PCNT: variants seen among roughly 807,000 people sequenced by gnomAD.
The protein encoded by PCNT is kendrin.
PCNT carries 319 observed loss-of-function variants against 380.4 expected under a neutral mutation model. The ratio of observed to expected loss-of-function variants is 0.84; its 90% CI spans 0.77 to 0.92. The LOEUF (loss-of-function observed/expected upper bound fraction) is 0.92. PCNT is among the 40% of genes least tolerant of loss of function. The pLI, the probability that PCNT is intolerant of heterozygous loss-of-function variation, is 0.00. For missense variants in PCNT, 4,400 were observed against 4,255.3 expected (o/e 1.03, Z -0.95); for synonymous variants, 1,845 against 1,735.2 (o/e 1.06, Z -1.57).
chr21:46,410,629 A>C (rs1269912037), intron 27 of PCNT, among the ~76,000 whole-genome samples: 1 of 152,210 alleles, frequency 6.6e-6, no homozygotes, highest in Non-Finnish European at 1.5e-5. Context: ...ATTTCCTTAC[A>C]TGGCTGAGGA....
intron 15 of PCNT, among the ~76,000 whole-genome samples, chr21:46,372,504 G>T (rs150001429): frequency 2.1e-4 from 32 of 152,304 alleles, no homozygotes; most frequent in African/African-American, 7.2e-4. Flanking sequence ...ACGATTTTCT[G>T]GCCTTTCTGT....
At chr21:46,346,337 C>A in intron 4 of PCNT, 129 bp downstream of exon 4, 1 of 802,920 alleles carries the variant, frequency 1.2e-6, no homozygotes. Context: ...TTTCCACGTT[C>A]TGTGTGTGGG....
At chr21:46,397,536 T>C (rs2086248908) in intron 22 of PCNT, 42 bp downstream of exon 22, 1 of 1,524,852 alleles carries the variant, frequency 6.6e-7, no homozygotes, top group Admixed American at 1.7e-5. Flanking sequence ...TCACTAAAAG[T>C]TGCCGTTACA....
chr21:46,368,938 G>A (rs566226651), intron 15 of PCNT, among the ~76,000 whole-genome samples: 1 of 152,368 alleles, frequency 6.6e-6, no homozygotes, highest in African/African-American at 2.4e-5. Flanking sequence ...CTTCCTGACT[G>A]TGGGGAACAG....
Position 46,412,865 on chromosome 21 carries a change from T to C in PCNT, c.6023T>C (p.Leu2008Ser), listed in dbSNP as rs553862123. 6 of 1,612,688 alleles carry C rather than the reference T, an allele frequency of 3.7e-6. No individual in the cohort carries two copies. In the South Asian group the frequency reaches 6.6e-5, roughly 18 times the overall value. ...GATCTGCAGCCTGTCCTGGTGACGT[T>C]GAAGGATGCACCTCTCTGCAAGCAA... ...QGDLQPVLVT[L>S]KDAPLCKQEG... The change falls in exon 29 of 47, where the codon TTG becomes TCG. Residue 2008 changes from leucine to serine, a missense_variant. Transcript: ENST00000359568.
chr21:46,390,648 A>T (rs758269413), intron 19 of PCNT, 22 bp from the exon 20 acceptor site: 10 of 1,613,236 alleles, frequency 6.2e-6, no homozygotes, highest in Middle Eastern at 3.3e-4. Context: ...TGGAGTTTTG[A>T]TTTGCAAATG....
chr21:46,331,752 C>A (rs1436792788), intron 2 of PCNT, among the ~76,000 whole-genome samples: 1 of 150,768 alleles, frequency 6.6e-6, no homozygotes, highest in African/African-American at 2.4e-5. Flanking sequence ...GGCGGCAGAG[C>A]AAGGCCTTGT....
chr21:46,353,744 G>GTA (rs1318039020), intron 10 of PCNT, among the ~76,000 whole-genome samples: 1 of 125,966 alleles, frequency 7.9e-6, no homozygotes, highest in African/African-American at 2.9e-5. Flanking sequence ...GTGTGTGTGT[G>GTA]TGTGTGTGAG....
At chr21:46,400,485 A>C (rs912722298) in intron 25 of PCNT, among the ~76,000 whole-genome samples, 4 of 146,734 alleles carry the variant, frequency 2.7e-5, no homozygotes, top group Middle Eastern at 3.3e-3. Context: ...AGATGAGAGG[A>C]GGAGTCTTTC....
chr21:46,393,032 G>T (rs1229318402), intron 21 of PCNT, among the ~76,000 whole-genome samples: 1 of 152,176 alleles, frequency 6.6e-6, no homozygotes, highest in Non-Finnish European at 1.5e-5. Flanking sequence ...CCTGGCGTTG[G>T]GCCCTTGCTC....
In PCNT at chr21:46,349,736, T is replaced by G. The variant is rs2084199814; in HGVS notation, c.1260T>G (p.Arg420=). 6.2e-7 allele frequency: 1 copy of G among 1,613,972 alleles called. No individual in the cohort carries two copies. Among genetic ancestry groups the G allele is most frequent in the Non-Finnish European group, 8.5e-7 (1 of 1,179,880 alleles). ...ATCAAGCAGCCATTGAGAAGTTACG[T>G]GAAGACCTGCAGTCCGAGCACGGCC... ...SHHQAAIEKL[R]EDLQSEHGRC... The change falls in exon 8 of 47, where the codon CGT becomes CGG. Residue 420 remains arginine, a synonymous_variant. Coordinates refer to ENST00000359568, the MANE Select transcript of PCNT (RefSeq NM_006031.6).
At chr21:46,371,698 G>A (rs1167788302) in intron 15 of PCNT, among the ~76,000 whole-genome samples, 1 of 152,204 alleles carries the variant, frequency 6.6e-6, no homozygotes, top group Non-Finnish European at 1.5e-5. Context: ...CATTTAAGCA[G>A]CAAGGTCTCC....
At chr21:46,326,697 G>T in intron 2 of PCNT, 108 bp downstream of exon 2, 1 of 1,171,384 alleles carries the variant, frequency 8.5e-7, no homozygotes, top group Non-Finnish European at 1.3e-6. Flanking sequence ...CAAAAGTGAG[G>T]AAAGAGGGTG....
At chr21:46,336,889 C>G (rs1003574593) in intron 3 of PCNT, among the ~76,000 whole-genome samples, 10 of 151,994 alleles carry the variant, frequency 6.6e-5, no homozygotes, top group African/African-American at 2.4e-4. Flanking sequence ...GCCCTCCCCC[C>G]CAGGTTTATT....
chr21:46,428,692 A>G (rs937976769), intron 35 of PCNT, 102 bp downstream of exon 35: 2 of 1,045,928 alleles, frequency 1.9e-6, no homozygotes, highest in Admixed American at 2.0e-5. Flanking sequence ...ACAGGGCATC[A>G]TCTAGTCAAG....
At chr21:46,353,837 C>A in intron 10 of PCNT, 150 bp from the exon 11 acceptor site, 1 of 707,194 alleles carries the variant, frequency 1.4e-6, no homozygotes, top group Non-Finnish European at 2.5e-6. Context: ...TTTGTGACTG[C>A]CACGGCTCCC....
intron 24 of PCNT, among the ~76,000 whole-genome samples, chr21:46,399,271 C>CT (rs1569252627): frequency 2.7e-5 from 4 of 149,774 alleles, no homozygotes; most frequent in Admixed American, 6.7e-5. Flanking sequence ...GCCTGTGGGT[C>CT]TGGGTCTCTG....
chr21:46,407,136 TTTC>T (rs1239413210), intron 27 of PCNT, among the ~76,000 whole-genome samples: 4 of 152,182 alleles, frequency 2.6e-5, no homozygotes, highest in Non-Finnish European at 5.9e-5. Context: ...ATAGCTGGGA[TTTC>T]TTCTTTGAAT....
intron 30 of PCNT, 120 bp from the exon 31 acceptor site, chr21:46,418,084 G>GT: frequency 1.5e-6 from 1 of 686,402 alleles, no homozygotes; most frequent in Non-Finnish European, 2.7e-6. Context: ...GTTTTGAGTT[G>GT]TTTCATCTGG....
Sources: allele counts gnomAD v4.1 joint callset (sites outside exome capture counted in the v4.1 genomes callset), GRCh38; gene constraint gnomAD v4.1.1; transcripts MANE v1.5; gene names NCBI Gene and HGNC (gene_info 2026-07-23, HGNC 2026-07-21).